JAKMIP1: variants seen among roughly 807,000 people sequenced by gnomAD.
JAKMIP1 encodes janus kinase and microtubule-interacting protein 1.
Under a neutral mutation model 113.0 loss-of-function variants are expected in JAKMIP1, and 33 were observed. The ratio of observed to expected loss-of-function variants is 0.29; its 90% CI spans 0.22 to 0.39. The LOEUF is 0.39. Ranked by LOEUF, JAKMIP1 falls within the 10% of genes least tolerant of loss-of-function variation. JAKMIP1 has a pLI of 1.00. For missense variants in JAKMIP1, 813 were observed against 1,080.5 expected, an observed-to-expected ratio of 0.75 and a Z score of 3.47; for synonymous variants, 480 against 459.9, an observed-to-expected ratio of 1.04 and a Z score of -0.56.
At chr4:6,131,366 CAA>C (rs34129127) in intron 1 of JAKMIP1, among the ~76,000 whole-genome samples, 1 of 85,358 alleles carries the variant, frequency 1.2e-5, no homozygotes, top group Non-Finnish European at 2.7e-5. Flanking sequence ...GGATAACTGC[CAA>C]AAAAAAAAAA....
At position 6,140,597 on chromosome 4, in the gene JAKMIP1, T is replaced by A. The variant is rs1048937715; in HGVS notation, c.-147-27600A>T. On this transcript the variant is annotated intron_variant, in intron 1 of 20. Coordinates refer to ENST00000409021, the MANE Select transcript of JAKMIP1 (RefSeq NM_001099433.2). This position sits in a 1 kb window ranked among gnomAD's most constrained non-coding sequence, Gnocchi z 9.4. ...GTGGTTCACAGCGTAAGGACCTCTGTCCCCACTGCTCCTGGAGGGGTGGAG... is the reference window on the plus strand; with the variant it reads ...GTGGTTCACAGCGTAAGGACCTCTGACCCCACTGCTCCTGGAGGGGTGGAG... 1.3e-5 allele frequency among the ~76,000 whole-genome samples: 2 copies of A among 152,120 alleles called. No individual in the cohort carries two copies. Among genetic ancestry groups the A allele is most frequent in the African/African-American group, 4.8e-5 (2 of 41,380 alleles).
At chr4:6,133,135 C>T (rs942446441) in intron 1 of JAKMIP1, among the ~76,000 whole-genome samples, 4 of 151,898 alleles carry the variant, frequency 2.6e-5, no homozygotes, top group Admixed American at 6.6e-5. Flanking sequence ...CAACAGAACA[C>T]CAAAAAAACC....
At position 6,188,691 on chromosome 4, in the gene JAKMIP1, C is replaced by A. The variant is rs141520673; in HGVS notation, c.-148+11562G>T. ...TCCCTCCCCCATCTTCTGGCTAGAG[C>A]ACCCCAATTTTTAATATCCTATCCA... On this transcript the variant is annotated intron_variant, in intron 1 of 20. Transcript: ENST00000409021. This position sits in a 1 kb window ranked among gnomAD's most constrained non-coding sequence, Gnocchi z 5.8. 6.6e-5 allele frequency among the ~76,000 whole-genome samples: 10 copies of A among 152,292 alleles called. 1 individual carries two copies. In the East Asian group the frequency reaches 1.9e-3, roughly 29 times the overall value.
At chr4:6,039,664 GT>G (rs1395042127) in intron 18 of JAKMIP1, among the ~76,000 whole-genome samples, 1 of 152,146 alleles carries the variant, frequency 6.6e-6, no homozygotes, top group East Asian at 1.9e-4. Flanking sequence ...TCTTGATAAG[GT>G]TTAGTTCATT....
At chr4:6,128,462 G>A (rs955540319) in intron 1 of JAKMIP1, among the ~76,000 whole-genome samples, 8 of 152,154 alleles carry the variant, frequency 5.3e-5, no homozygotes, top group African/African-American at 1.4e-4. Context: ...GGGGAGGGAG[G>A]GAAGGGGAGT....
At position 6,076,501 on chromosome 4, in the gene JAKMIP1, C is replaced by T. The variant is rs1719715699; in HGVS notation, c.1302+2438G>A. Among the ~76,000 whole-genome samples, 1 of 152,156 alleles carries T rather than the reference C, an allele frequency of 6.6e-6. No individual in the cohort carries two copies. Among genetic ancestry groups the T allele is most frequent in the Non-Finnish European group, 1.5e-5 (1 of 68,046 alleles). ...CAATGAGATTGTTTAAATACCCACTCATCTGAGAATCCAGGACCTAGCAAA... is the reference window on the plus strand; with the variant it reads ...CAATGAGATTGTTTAAATACCCACTTATCTGAGAATCCAGGACCTAGCAAA... On this transcript the variant is annotated intron_variant, in intron 8 of 20. Coordinates refer to ENST00000409021, the MANE Select transcript of JAKMIP1 (RefSeq NM_001099433.2). The surrounding 1 kb of genome is among the most constrained non-coding windows in gnomAD (Gnocchi z 4.8).
intron 1 of JAKMIP1, among the ~76,000 whole-genome samples, chr4:6,132,734 A>G (rs1718686428): frequency 6.6e-6 from 1 of 152,156 alleles, no homozygotes; most frequent in African/African-American, 2.4e-5. Context: ...ATAGTAACAA[A>G]TACTATAGAT....
rs7684303 is a variant in JAKMIP1 at position 6,158,234 on chromosome 4, C to T, written c.-148+42019G>A. ...CTCCATACATCCCAACTTTGCCCTGCGGATACTACATGCTTCTCACCAGGG... is the reference window on the plus strand; with the variant it reads ...CTCCATACATCCCAACTTTGCCCTGTGGATACTACATGCTTCTCACCAGGG... On this transcript the variant is annotated intron_variant, in intron 1 of 20. Coordinates refer to ENST00000409021, the MANE Select transcript of JAKMIP1 (RefSeq NM_001099433.2). The surrounding 1 kb of genome is among the most constrained non-coding windows in gnomAD (Gnocchi z 5.3). Among the ~76,000 whole-genome samples, 7,277 of 152,288 alleles carry T rather than the reference C, an allele frequency of 0.048. 397 individuals are homozygous for T. The highest frequency in any genetic ancestry group is 0.13 in the African/African-American group (5,221 of 41,526).
At position 6,080,356 on chromosome 4, in the gene JAKMIP1, C is replaced by T. The variant is rs924856900; in HGVS notation, c.1102-44G>A. On this transcript the variant is annotated intron_variant, in intron 6 of 20. Coordinates refer to ENST00000409021, the MANE Select transcript of JAKMIP1 (RefSeq NM_001099433.2). This position sits in a 1 kb window ranked among gnomAD's most constrained non-coding sequence, Gnocchi z 6.0. ...AGACCACCACAGGGTTACCCGCCAACAGTGTTTGTTAGGGACAGTGCTGGA... is the reference window on the plus strand; with the variant it reads ...AGACCACCACAGGGTTACCCGCCAATAGTGTTTGTTAGGGACAGTGCTGGA... 8 of 1,602,934 alleles carry T rather than the reference C, an allele frequency of 5.0e-6. No individual in the cohort carries two copies. The African/African-American group carries it at 9.4e-5, about 19-fold the overall frequency.
intron 1 of JAKMIP1, among the ~76,000 whole-genome samples, chr4:6,182,410 G>GAAA (rs56678982): frequency 1.2e-4 from 14 of 120,286 alleles, no homozygotes; most frequent in African/African-American, 3.1e-4. Context: ...CCCTGTCTCA[G>GAAA]AAAAAAAAAA....
chr4:6,088,271 G>C lies in JAKMIP1; in HGVS notation c.625-2642C>G, dbSNP rs1047698444. On this transcript the variant is annotated intron_variant, in intron 3 of 20. Coordinates refer to ENST00000409021, the MANE Select transcript of JAKMIP1 (RefSeq NM_001099433.2). The surrounding 1 kb of genome is among the most constrained non-coding windows in gnomAD (Gnocchi z 5.5). Reference sequence around the variant, plus strand: ...ATTGAGAGTGATTTGTGCTATGAGGGGGAAAAAAAACAATAACAACATCAA... The same window carrying C: ...ATTGAGAGTGATTTGTGCTATGAGGCGGAAAAAAAACAATAACAACATCAA... 6.6e-6 allele frequency among the ~76,000 whole-genome samples: 1 copy of C among 152,012 alleles called. No homozygotes were observed. Among genetic ancestry groups the C allele is most frequent in the Admixed American group, 6.6e-5 (1 of 15,264 alleles).
intron 1 of JAKMIP1, among the ~76,000 whole-genome samples, chr4:6,132,474 T>G (rs938694674): frequency 2.0e-5 from 3 of 151,870 alleles, no homozygotes; most frequent in African/African-American, 4.8e-5. Context: ...AAACCCCGTC[T>G]CTACTAAAAA....
At chr4:6,123,584 C>T (rs1162472530) in intron 1 of JAKMIP1, among the ~76,000 whole-genome samples, 4 of 152,144 alleles carry the variant, frequency 2.6e-5, no homozygotes, top group Admixed American at 6.5e-5. Context: ...ACTCTGAGAG[C>T]CCAAGGCAGG....
At chr4:6,148,784 T>C (rs981702601) in intron 1 of JAKMIP1, among the ~76,000 whole-genome samples, 1 of 152,250 alleles carries the variant, frequency 6.6e-6, no homozygotes, top group Admixed American at 6.5e-5. Flanking sequence ...AGCCAGGACC[T>C]CGTCTGCCAG....
intron 1 of JAKMIP1, among the ~76,000 whole-genome samples, chr4:6,191,972 AC>A (rs1727321265): frequency 8.6e-6 from 1 of 115,894 alleles, no homozygotes; most frequent in Non-Finnish European, 1.8e-5. Flanking sequence ...CGCTCTTGTC[AC>A]CCAGGCTGGA....
Position 6,157,241 on chromosome 4 carries a change from A to G in JAKMIP1, c.-148+43012T>C, listed in dbSNP as rs1225727833. Among the ~76,000 whole-genome samples, 1 of 152,054 alleles carries G rather than the reference A, an allele frequency of 6.6e-6. No homozygotes were observed. The highest frequency in any genetic ancestry group is 2.4e-5 in the African/African-American group (1 of 41,394). On this transcript the variant is annotated intron_variant, in intron 1 of 20. Coordinates refer to ENST00000409021, the MANE Select transcript of JAKMIP1 (RefSeq NM_001099433.2). This position sits in a 1 kb window ranked among gnomAD's most constrained non-coding sequence, Gnocchi z 4.7. Reference sequence around the variant, plus strand: ...AGAAACGCATTTATTTTCTTTATAAACTACCCAGGTGGTGATATTGTGTTA... The same window carrying G: ...AGAAACGCATTTATTTTCTTTATAAGCTACCCAGGTGGTGATATTGTGTTA...
intron 1 of JAKMIP1, among the ~76,000 whole-genome samples, chr4:6,172,511 G>A (rs1419048896): frequency 2.0e-5 from 3 of 151,728 alleles, no homozygotes; most frequent in Non-Finnish European, 4.4e-5. Flanking sequence ...CTGACCCCTG[G>A]GGAGGAGAGA....
intron 18 of JAKMIP1, among the ~76,000 whole-genome samples, chr4:6,038,678 T>C (rs1283716317): frequency 6.6e-6 from 1 of 152,210 alleles, no homozygotes; most frequent in African/African-American, 2.4e-5. Flanking sequence ...CCTTCAGCTC[T>C]ACCCACCCCA....
rs575037195 is a variant in JAKMIP1, at chr4:6,144,803, C to A, written c.-147-31806G>T. On this transcript the variant is annotated intron_variant, in intron 1 of 20. Coordinates refer to ENST00000409021, the MANE Select transcript of JAKMIP1 (RefSeq NM_001099433.2). ...TCAATGGTGAAACATTAACGCTTTC[C>A]CTTAAGATCTGGAACAAGACAAAGA... 2.0e-5 allele frequency among the ~76,000 whole-genome samples: 3 copies of A among 152,244 alleles called. No individual in the cohort carries two copies. The East Asian group carries it at 5.8e-4, about 29-fold the overall frequency.
Sources: gnomAD v4.1 joint callset for allele counts (sites outside exome capture counted in the v4.1 genomes callset) on GRCh38, gnomAD v4.1.1 for gene constraint, Gnocchi (gnomAD v3.1) non-coding constraint, MANE v1.5 for transcripts, NCBI Gene and HGNC (gene_info 2026-07-23, HGNC 2026-07-21) for gene names.